The following SGCD variants were observed in gnomAD, a reference collection of about 807,000 sequenced individuals.
The protein encoded by SGCD is sarcoglycan delta.
In SGCD, 18 loss-of-function variants were observed where a neutral mutation model predicts 36.6. The ratio of observed to expected loss-of-function variants is 0.49; its 90% CI spans 0.34 to 0.73. The LOEUF (loss-of-function observed/expected upper bound fraction) is 0.73, where lower values mean the gene tolerates loss of function less well. SGCD is among the 30% of genes least tolerant of loss of function. SGCD has a pLI of 0.01. For synonymous variants in SGCD, 133 were observed against 130.6 expected (o/e 1.02, Z -0.12); for missense variants, 387 against 346.7 (o/e 1.12, Z -0.92).
At chr5:156,693,666 G>T (rs1040867749) in intron 7 of SGCD, among the ~76,000 whole-genome samples, 43 of 152,238 alleles carry the variant, frequency 2.8e-4, no homozygotes, top group Admixed American at 2.7e-3. Context: ...ACCTCTAATT[G>T]TCTGGTTGCT....
chr5:156,177,515 A>C (rs1172142405), intron 3 of SGCD, among the ~76,000 whole-genome samples: 1 of 152,058 alleles, frequency 6.6e-6, no homozygotes, highest in South Asian at 2.1e-4. Flanking sequence ...TTGATTATAC[A>C]GTTCTCCTGA....
intron 1 of SGCD, among the ~76,000 whole-genome samples, chr5:156,013,119 G>A (rs1459780830): frequency 1.3e-5 from 2 of 150,016 alleles, no homozygotes; most frequent in South Asian, 4.3e-4. Context: ...TCTGTCTCCC[G>A]AGTTCAGGCG....
At chr5:156,378,493 G>C (rs79165117) in intron 3 of SGCD, among the ~76,000 whole-genome samples, 1,783 of 152,178 alleles carry the variant, frequency 0.012, 39 homozygotes, top group African/African-American at 0.041. Context: ...GTTTTATGTT[G>C]TGTATTTTAC....
chr5:156,639,405 C>CCTGTGTTCAGTTGT (rs1762946532), intron 6 of SGCD, among the ~76,000 whole-genome samples: 1 of 152,142 alleles, frequency 6.6e-6, no homozygotes, highest in Non-Finnish European at 1.5e-5. Flanking sequence ...CAAACATCCA[C>CCTGTGTTCAGTTGT]ATTATGTATG....
chr5:156,298,689 C>T, intron 3 of SGCD, among the ~76,000 whole-genome samples: 1 of 151,354 alleles, frequency 6.6e-6, no homozygotes, highest in African/African-American at 2.4e-5. Flanking sequence ...CCTCAGCCTC[C>T]CACAGTGCTG....
At chr5:156,122,704 T>C (rs570742621) in intron 2 of SGCD, among the ~76,000 whole-genome samples, 30 of 151,640 alleles carry the variant, frequency 2.0e-4, no homozygotes, top group African/African-American at 7.3e-4. Context: ...CTGAGTGAGG[T>C]GGAAGGTTTT....
intron 3 of SGCD, among the ~76,000 whole-genome samples, chr5:156,222,246 G>A (rs1764734524): frequency 6.6e-6 from 1 of 152,056 alleles, no homozygotes; most frequent in African/African-American, 2.4e-5. Flanking sequence ...AGGATACTGG[G>A]CTAAAGTTCT....
In SGCD at chr5:156,760,432, C is replaced by T. The variant is rs1159881736; in HGVS notation, c.*1042C>T. 6.6e-6 allele frequency: 1 copy of T among 152,208 alleles called. No homozygotes were observed. The highest frequency in any genetic ancestry group is 1.5e-5 in the Non-Finnish European group (1 of 68,030). 9.4% of individuals were successfully genotyped at this position (152,208 alleles called of 1,614,324 possible). A position where few individuals can be genotyped will look rare whatever the true frequency, so the allele number is the denominator to read the frequency against. On this transcript the variant is annotated 3_prime_UTR_variant, in exon 9 of 9. Coordinates refer to ENST00000337851, the MANE Select transcript of SGCD (RefSeq NM_000337.6). ...TTGGGATTGGTGGGAAATGTCAAAA[C>T]ATGCCCTTTATTTTTAAAGGCATTC...
At chr5:156,653,553 C>G (rs1763557709) in intron 7 of SGCD, among the ~76,000 whole-genome samples, 1 of 131,394 alleles carries the variant, frequency 7.6e-6, no homozygotes, top group Admixed American at 9.0e-5. Flanking sequence ...AGTCAGGGAC[C>G]TAGAATGTCA....
At chr5:156,203,685 C>G (rs572209746) in intron 3 of SGCD, among the ~76,000 whole-genome samples, 1 of 152,216 alleles carries the variant, frequency 6.6e-6, no homozygotes, top group African/African-American at 2.4e-5. Context: ...CTGGAGACTT[C>G]TAGCTGGAAA....
chr5:156,145,323 C>T (rs941653304), intron 3 of SGCD, among the ~76,000 whole-genome samples: 1 of 152,178 alleles, frequency 6.6e-6, no homozygotes, highest in Non-Finnish European at 1.5e-5. Flanking sequence ...GCTGAGGCCT[C>T]CGCAGAAGCT....
At chr5:156,105,054 G>C (rs901781215) in intron 1 of SGCD, among the ~76,000 whole-genome samples, 3 of 152,102 alleles carry the variant, frequency 2.0e-5, no homozygotes, top group Non-Finnish European at 4.4e-5. Context: ...TAAATGACGA[G>C]TTAATGGGTG....
At chr5:155,824,094 C>T in the SGCD span, among the ~76,000 whole-genome samples, 4 of 152,122 alleles carry the variant, frequency 2.6e-5, no homozygotes, top group African/African-American at 9.7e-5. Context: ...ACTAACATTG[C>T]CTGGAAGTAT....
intron 1 of SGCD, among the ~76,000 whole-genome samples, chr5:156,035,249 C>G (rs563188396): frequency 3.9e-5 from 6 of 152,256 alleles, no homozygotes; most frequent in Admixed American, 3.9e-4. Flanking sequence ...ACCATCTACT[C>G]GTGCAACTTT....
chr5:156,724,963 G>A (rs576192379), intron 7 of SGCD, among the ~76,000 whole-genome samples: 3 of 152,268 alleles, frequency 2.0e-5, no homozygotes, highest in Admixed American at 6.5e-5. Context: ...TGAAATTCCA[G>A]CATGCTCATT....
Position 155,884,803 on chromosome 5 carries a change from A to G in SGCD, c.-282+14379A>G, listed in dbSNP as rs1244948022. ...CTATAAAAATGGGAATAGTAATAGC[A>G]TGTAACCTATAAGAACTTGTGATAA... On this transcript the variant is annotated intron_variant, in intron 1 of 9. Transcript: ENST00000517913. Among the ~76,000 whole-genome samples, 2 of 53,654 alleles carry G rather than the reference A, an allele frequency of 3.7e-5. 1 individual carries two copies. Among genetic ancestry groups the G allele is most frequent in the African/African-American group, 3.6e-4 (2 of 5,562 alleles). The allele number at this position is 53,654 out of a possible 152,430, so 35.2% of individuals were successfully genotyped here.
intron 1 of SGCD, among the ~76,000 whole-genome samples, chr5:155,982,386 G>A (rs1415026557): frequency 6.6e-6 from 1 of 152,180 alleles, no homozygotes; most frequent in Non-Finnish European, 1.5e-5. Flanking sequence ...AAAGTTCTCA[G>A]TTGCTGGTTT....
At chr5:156,730,020 T>C (rs1424700164) in intron 7 of SGCD, among the ~76,000 whole-genome samples, 3 of 152,208 alleles carry the variant, frequency 2.0e-5, no homozygotes, top group African/African-American at 7.2e-5. Flanking sequence ...GCATCTCCAA[T>C]ACTTCAGCAG....
At chr5:156,244,542 G>A (rs1388316843) in intron 3 of SGCD, among the ~76,000 whole-genome samples, 2 of 152,090 alleles carry the variant, frequency 1.3e-5, no homozygotes, top group East Asian at 3.8e-4. Context: ...TTTTAGTATT[G>A]AATGGTTTTA....
Sources: gnomAD v4.1 joint callset for allele counts (sites outside exome capture counted in the v4.1 genomes callset) on GRCh38, gnomAD v4.1.1 for gene constraint, MANE v1.5 for transcripts, NCBI Gene and HGNC (gene_info 2026-07-23, HGNC 2026-07-21) for gene names.